Variants in CPD observed in about 807,000 individuals in gnomAD.
CPD encodes the protein metallocarboxypeptidase D.
Under a neutral mutation model 138.3 loss-of-function variants are expected in CPD, and 69 were observed. The ratio of observed to expected loss-of-function variants is 0.50; its 90% CI spans 0.41 to 0.61. CPD has a LOEUF of 0.61. Among genes scored for constraint, CPD ranks in the 20% least tolerant of loss-of-function variants. The pLI, the probability that CPD is intolerant of heterozygous loss-of-function variation, is 0.00. For synonymous variants in CPD, 651 were observed against 642.1 expected (o/e 1.01, Z -0.21); for missense variants, 1,432 against 1,733.3 (o/e 0.83, Z 3.09).
At chr17:30,411,788 T>C (rs1206875927) in intron 2 of CPD, among the ~76,000 whole-genome samples, 1 of 152,238 alleles carries the variant, frequency 6.6e-6, no homozygotes, top group Non-Finnish European at 1.5e-5. Context: ...TTAGCTTCCT[T>C]GCGATGGGTT....
At chr17:30,459,165 G>A (rs1305102997) in intron 17 of CPD, among the ~76,000 whole-genome samples, 1 of 90,898 alleles carries the variant, frequency 1.1e-5, no homozygotes, top group African/African-American at 4.8e-5. Context: ...TTTTTTTTTT[G>A]GTTGTTGTTT....
Position 30,442,983 on chromosome 17 carries a change from AGTGGT to A in CPD, c.2373+537_2373+541del, listed in dbSNP as rs1912918379. 4.7e-5 allele frequency among the ~76,000 whole-genome samples: 7 copies of A among 150,258 alleles called. No homozygotes were observed. The Admixed American group carries it at 4.7e-4, about 10-fold the overall frequency. ...CATTTCTGCATTTTTCTTTTTCCTG[AGTGGT>A]GTGACATAAAGTCTGTGAGTTTTTT... On this transcript the variant is annotated intron_variant, in intron 10 of 20. Coordinates refer to ENST00000225719, the MANE Select transcript of CPD (RefSeq NM_001304.5).
intron 2 of CPD, among the ~76,000 whole-genome samples, chr17:30,389,061 A>G (rs944033525): frequency 6.6e-6 from 1 of 152,184 alleles, no homozygotes; most frequent in Non-Finnish European, 1.5e-5. Context: ...CCAGCTCCGC[A>G]TAGGGGTTCC....
rs777592052 is a variant in CPD, at chr17:30,461,925, A to G, written c.3679A>G (p.Ile1227Val). The change falls in exon 19 of 21, where the codon ATC (isoleucine) becomes GTC (valine). Residue 1227 changes from isoleucine (I) to valine (V), a missense_variant. By Grantham distance (29) the Ile-to-Val change is conservative. Transcript: ENST00000225719. ...GFVKDKTGKP[I>V]SKAVIVLNEG... ...TGTTAAAGATAAGACTGGAAAGCCAATCTCTAAAGCAGTCATTGTACTTAA... is the reference window on the plus strand; with the variant it reads ...TGTTAAAGATAAGACTGGAAAGCCAGTCTCTAAAGCAGTCATTGTACTTAA... 6 of 1,609,646 alleles carry G rather than the reference A, an allele frequency of 3.7e-6. No individual in the cohort carries two copies. The highest frequency in any genetic ancestry group is 1.7e-5 in the Admixed American group (1 of 58,604).
intron 12 of CPD, 50 bp from the exon 13 acceptor site, chr17:30,449,503 A>G (rs967502177): frequency 2.0e-6 from 3 of 1,475,030 alleles, no homozygotes; most frequent in Non-Finnish European, 2.7e-6. Context: ...AGTCAACATT[A>G]ACATAGTGCT....
At position 30,400,652 on chromosome 17, in the gene CPD, CT is replaced by C. The variant is rs34301387; in HGVS notation, c.994+15440del. Reference sequence around the variant, plus strand: ...TGAGAATGTGTATTTTGCCATCATTCTTTTTTTTTTTTTTTTTTTTTTTTGA... The same window carrying C: ...TGAGAATGTGTATTTTGCCATCATTCTTTTTTTTTTTTTTTTTTTTTTTGA... On this transcript the variant is annotated intron_variant, in intron 2 of 20. Transcript: ENST00000225719. 9.3e-3 allele frequency among the ~76,000 whole-genome samples: 532 copies of C among 57,508 alleles called. 3 individuals carry two copies. The highest frequency in any genetic ancestry group is 0.036 in the African/African-American group (456 of 12,798). The allele number at this position is 57,508 out of a possible 152,430, so 37.7% of individuals were successfully genotyped here.
intron 2 of CPD, among the ~76,000 whole-genome samples, chr17:30,395,145 C>T (rs922159593): frequency 1.2e-4 from 17 of 147,336 alleles, no homozygotes; most frequent in Admixed American, 3.4e-4. Flanking sequence ...AATTTAATTG[C>T]GTGGAGCTAG....
chr17:30,433,759 C>G (rs978544637), intron 8 of CPD, among the ~76,000 whole-genome samples: 9 of 152,188 alleles, frequency 5.9e-5, no homozygotes, highest in Non-Finnish European at 2.9e-5. Context: ...CCTGTTCCAG[C>G]TCTATCCCTC....
rs184255899 is a variant in CPD at position 30,446,828 on chromosome 17, C to T, written c.2873+808C>T. Among the ~76,000 whole-genome samples, 245 of 152,330 alleles carry T rather than the reference C, an allele frequency of 1.6e-3. 1 individual carries two copies. The highest frequency in any genetic ancestry group is 5.4e-3 in the African/African-American group (225 of 41,582). ...GTGTTCCTATTTCTCCACATCCTCTCCAGCACCTGTTGTTTCCTGACTTTT... is the reference window on the plus strand; with the variant it reads ...GTGTTCCTATTTCTCCACATCCTCTTCAGCACCTGTTGTTTCCTGACTTTT... On this transcript the variant is annotated intron_variant, in intron 12 of 20. Transcript: ENST00000225719.
At chr17:30,413,799 G>T (rs1325899980) in intron 2 of CPD, among the ~76,000 whole-genome samples, 1 of 152,210 alleles carries the variant, frequency 6.6e-6, no homozygotes, top group Non-Finnish European at 1.5e-5. Context: ...AGTGCTGGTG[G>T]GATGGGCTTG....
intron 2 of CPD, among the ~76,000 whole-genome samples, chr17:30,400,006 AAAT>A (rs1466655547): frequency 6.6e-6 from 1 of 152,166 alleles, no homozygotes; most frequent in African/African-American, 2.4e-5. Context: ...ATAAATAAAT[AAAT>A]AATAAGTAAA....
chr17:30,391,286 T>C (rs1911351568), intron 2 of CPD, among the ~76,000 whole-genome samples: 1 of 152,198 alleles, frequency 6.6e-6, no homozygotes, highest in Non-Finnish European at 1.5e-5. Context: ...AACTGTAGTT[T>C]TAGGTCAACT....
Position 30,379,552 on chromosome 17 carries a change from G to T in CPD, c.572G>T (p.Arg191Leu). 6 of 1,548,402 alleles carry T rather than the reference G, an allele frequency of 3.9e-6. No individual in the cohort carries two copies. The highest frequency in any genetic ancestry group is 4.3e-6 in the Non-Finnish European group (5 of 1,156,654). ...SLNPDGFERA[R>L]EGDCGFGDGG... is the part of the protein sequence containing the mutation. ...AACCCCGATGGCTTCGAGCGTGCCCGCGAGGGCGACTGTGGCTTCGGCGAC... is the reference window on the plus strand; with the variant it reads ...AACCCCGATGGCTTCGAGCGTGCCCTCGAGGGCGACTGTGGCTTCGGCGAC... The change falls in exon 1 of 21, where the codon CGC (arginine) becomes CTC (leucine). Residue 191 changes from arginine to leucine, a missense_variant. Around this residue, in one of 6 missense-constraint regions of CPD, gnomAD observed 484 missense variants for 477.2 expected, o/e 1.01. Transcript: ENST00000225719. The surrounding 1 kb of genome is among the most constrained non-coding windows in gnomAD (Gnocchi z 7.0).
intron 2 of CPD, among the ~76,000 whole-genome samples, chr17:30,404,403 TA>T (rs1313066768): frequency 6.6e-6 from 1 of 152,174 alleles, no homozygotes; most frequent in Non-Finnish European, 1.5e-5. Context: ...TGCCGTTTTA[TA>T]ACCTTTTTTG....
At chr17:30,395,238 TCG>T in intron 2 of CPD, among the ~76,000 whole-genome samples, 1 of 151,150 alleles carries the variant, frequency 6.6e-6, no homozygotes, top group East Asian at 1.9e-4. Flanking sequence ...TGAATGCATT[TCG>T]TACTGGGATG....
At chr17:30,397,599 A>T (rs1208363787) in intron 2 of CPD, among the ~76,000 whole-genome samples, 1 of 151,810 alleles carries the variant, frequency 6.6e-6, no homozygotes, top group Admixed American at 6.6e-5. Flanking sequence ...TTAGCCAGGC[A>T]TGGTGGTGCA....
intron 2 of CPD, among the ~76,000 whole-genome samples, chr17:30,386,474 T>C (rs1435026555): frequency 6.6e-6 from 1 of 152,056 alleles, no homozygotes. Flanking sequence ...TTTAACTGTT[T>C]AAACATTTTT....
At chr17:30,408,893 A>T (rs543974334) in intron 2 of CPD, among the ~76,000 whole-genome samples, 1 of 152,324 alleles carries the variant, frequency 6.6e-6, no homozygotes, top group South Asian at 2.1e-4. Flanking sequence ...GCCAGTTTTC[A>T]AAGGGAATGC....
At chr17:30,415,530 A>G (rs140499502) in intron 2 of CPD, among the ~76,000 whole-genome samples, 2 of 152,336 alleles carry the variant, frequency 1.3e-5, no homozygotes, top group African/African-American at 4.8e-5. Context: ...AGGGGTTAAT[A>G]TCCAGAATAT....
Sources: gnomAD v4.1 joint callset for allele counts (sites outside exome capture counted in the v4.1 genomes callset) on GRCh38, gnomAD v4.1.1 for gene constraint, gnomAD v4.1.1 regional missense constraint, Gnocchi (gnomAD v3.1) non-coding constraint, MANE v1.5 for transcripts, NCBI Gene and HGNC (gene_info 2026-07-23, HGNC 2026-07-21) for gene names.